The following GNPTAB variants were observed in gnomAD, a reference collection of about 807,000 sequenced individuals.
GNPTAB encodes N-acetylglucosamine-1-phosphate transferase subunits alpha and beta.
A neutral mutation model predicts 136.6 loss-of-function variants in GNPTAB; 92 were observed. That is an observed-to-expected ratio of 0.67 (90% CI 0.57 to 0.80). The LOEUF (loss-of-function observed/expected upper bound fraction) is 0.80. Ranked by LOEUF, GNPTAB falls within the 30% of genes least tolerant of loss-of-function variation. GNPTAB has a pLI of 0.00. For missense variants in GNPTAB, 1,343 were observed against 1,501.8 expected (o/e 0.89, Z 1.75); for synonymous variants, 512 against 535.1 (o/e 0.96, Z 0.60).
intron 19 of GNPTAB, among the ~76,000 whole-genome samples, chr12:101,749,828 A>C (rs999263988): frequency 2.0e-5 from 3 of 152,214 alleles, no homozygotes; most frequent in African/African-American, 7.2e-5. Context: ...ATGCGGCAGC[A>C]TGGGGGGAAC....
Position 101,764,723 on chromosome 12 carries a change from T to TG in GNPTAB, c.2193dup (p.Lys732GlnfsTer16). 2 of 1,613,524 alleles carry TG rather than the reference T, an allele frequency of 1.2e-6. No individual in the cohort carries two copies. Among genetic ancestry groups the TG allele is most frequent in the Non-Finnish European group, 1.7e-6 (2 of 1,179,632 alleles). On this transcript the variant is annotated frameshift_variant, in exon 13 of 21. Transcript: ENST00000299314. LOFTEE classifies it high-confidence loss of function. ...AGAAATGATCTCAGCAAGGCTGACTTGGACAAATTGTATCCTTTCAAAGTG... is the reference window on the plus strand; with the variant it reads ...AGAAATGATCTCAGCAAGGCTGACTTGGGACAAATTGTATCCTTTCAAAGTG...
intron 1 of GNPTAB, among the ~76,000 whole-genome samples, chr12:101,812,805 T>C (rs1870306011): frequency 1.3e-5 from 2 of 152,036 alleles, no homozygotes; most frequent in South Asian, 2.1e-4. Context: ...TGAAAATATT[T>C]ATTTATTTTT....
At chr12:101,811,066 C>T (rs1870203767) in intron 1 of GNPTAB, among the ~76,000 whole-genome samples, 1 of 152,224 alleles carries the variant, frequency 6.6e-6, no homozygotes, top group African/African-American at 2.4e-5. Flanking sequence ...CAACCAGGTT[C>T]GCTGGCTGGT....
intron 16 of GNPTAB, among the ~76,000 whole-genome samples, chr12:101,759,271 G>C (rs1331612702): frequency 6.6e-6 from 1 of 150,600 alleles, no homozygotes; most frequent in Non-Finnish European, 1.5e-5. Context: ...GCTGAGGCAG[G>C]AGAATGGCGT....
intron 7 of GNPTAB, among the ~76,000 whole-genome samples, chr12:101,774,732 A>G (rs1422948604): frequency 6.6e-6 from 1 of 152,238 alleles, no homozygotes; most frequent in Non-Finnish European, 1.5e-5. Flanking sequence ...ATAAGTGAGA[A>G]TATTCAACAG....
intron 1 of GNPTAB, among the ~76,000 whole-genome samples, chr12:101,827,701 G>A (rs1184622403): frequency 6.6e-6 from 1 of 152,118 alleles, no homozygotes; most frequent in African/African-American, 2.4e-5. Context: ...ACAGTGGCTC[G>A]CACCTATAAT....
At chr12:101,779,977 T>C in intron 7 of GNPTAB, 175 bp downstream of exon 7, 1 of 674,018 alleles carries the variant, frequency 1.5e-6, no homozygotes, top group Non-Finnish European at 2.6e-6. Context: ...ATAAGACTCT[T>C]AGATTTTTGC....
chr12:101,752,493 T>C (rs1952835548), intron 19 of GNPTAB, among the ~76,000 whole-genome samples: 1 of 152,220 alleles, frequency 6.6e-6, no homozygotes, highest in Non-Finnish European at 1.5e-5. Context: ...TGGTTGGTTA[T>C]AAAGGCTAAC....
intron 3 of GNPTAB, 90 bp from the exon 4 acceptor site, chr12:101,788,679 T>A: frequency 1.3e-6 from 1 of 751,858 alleles, no homozygotes. Context: ...GCATAAACTT[T>A]CATATTTTAT....
intron 7 of GNPTAB, among the ~76,000 whole-genome samples, chr12:101,772,624 G>A (rs889298462): frequency 2.0e-4 from 31 of 152,074 alleles, no homozygotes; most frequent in African/African-American, 7.5e-4. Flanking sequence ...TTCTCACTGA[G>A]TCACCAACTT....
intron 7 of GNPTAB, among the ~76,000 whole-genome samples, chr12:101,776,849 GC>G (rs1395853253): frequency 3.3e-5 from 5 of 152,234 alleles, no homozygotes; most frequent in Non-Finnish European, 5.9e-5. Flanking sequence ...GCTGAGCTGA[GC>G]CCTAGGTGGC....
At chr12:101,825,821 T>C (rs935966636) in intron 1 of GNPTAB, among the ~76,000 whole-genome samples, 1 of 152,198 alleles carries the variant, frequency 6.6e-6, no homozygotes, top group African/African-American at 2.4e-5. Context: ...ATGAAACCTT[T>C]CCCAGAAAAC....
chr12:101,746,976 T>C lies in GNPTAB; in HGVS notation c.*188A>G. 1 of 599,516 alleles carries C rather than the reference T, an allele frequency of 1.7e-6. No individual in the cohort carries two copies. Among genetic ancestry groups the C allele is most frequent in the Non-Finnish European group, 3.0e-6 (1 of 331,874 alleles). The allele number at this position is 599,516 out of a possible 1,614,324, so 37.1% of individuals were successfully genotyped here. A position where few individuals can be genotyped will look rare whatever the true frequency, so the allele number is the denominator to read the frequency against. On this transcript the variant is annotated 3_prime_UTR_variant, in exon 21 of 21. Transcript: ENST00000299314. ...AGTTCAGAGCTGCTCAACACACAAG[T>C]TTTCAGTGGGTTGGTTAAATAATTC...
chr12:101,760,020 TTC>T lies in GNPTAB; in HGVS notation c.3249+8_3249+9del, dbSNP rs1473941088. 6.7e-7 allele frequency: 1 copy of T among 1,484,344 alleles called. No individual in the cohort carries two copies. The highest frequency in any genetic ancestry group is 9.4e-7 in the Non-Finnish European group (1 of 1,061,466). 91.9% of individuals were successfully genotyped at this position (1,484,344 alleles called of 1,614,324 possible). ...TTCTGTTGTACATAAAAGTAACCCA[TTC>T]CACTTACCAGGTTGGGATCATAGTA... On this transcript the variant is annotated splice_region_variant and intron_variant, in intron 16 of 20. Coordinates refer to ENST00000299314, the MANE Select transcript of GNPTAB (RefSeq NM_024312.5).
intron 13 of GNPTAB, among the ~76,000 whole-genome samples, chr12:101,762,241 C>T (rs1566072265): frequency 6.6e-6 from 1 of 152,114 alleles, no homozygotes. Flanking sequence ...AAAATCAAAA[C>T]CAGTCAGTGG....
chr12:101,826,479 T>A (rs910550521), intron 1 of GNPTAB, among the ~76,000 whole-genome samples: 5 of 149,236 alleles, frequency 3.4e-5, no homozygotes, highest in Middle Eastern at 6.8e-3. Context: ...ATTTTTAATT[T>A]TTTTAATTTT....
In GNPTAB at chr12:101,771,034, G is replaced by C. The variant is rs1439948085; in HGVS notation, c.895C>G (p.Pro299Ala). The change falls in exon 8 of 21, where the codon CCT becomes GCT. Residue 299 changes from proline to alanine, a missense_variant. Coordinates refer to ENST00000299314, the MANE Select transcript of GNPTAB (RefSeq NM_024312.5). ...TIDGKELTISPAYLLWDLSAI... is the reference protein window; with the variant it reads ...TIDGKELTISAAYLLWDLSAI... ...CTCAGATCCCATAATAAATATGCAG[G>C]ACTTATGGTCAGTTCTTTTCCATCA... 1.2e-6 allele frequency: 2 copies of C among 1,613,942 alleles called. No homozygotes were observed. Among genetic ancestry groups the C allele is most frequent in the Non-Finnish European group, 1.7e-6 (2 of 1,179,894 alleles).
chr12:101,806,152 T>C (rs540694674), intron 1 of GNPTAB, among the ~76,000 whole-genome samples: 38 of 152,288 alleles, frequency 2.5e-4, no homozygotes, highest in Non-Finnish European at 3.4e-4. Flanking sequence ...AGTCAAGGGA[T>C]AAAGTGTTTG....
At chr12:101,803,077 C>T (rs1404462431) in intron 1 of GNPTAB, among the ~76,000 whole-genome samples, 1 of 152,042 alleles carries the variant, frequency 6.6e-6, no homozygotes, top group East Asian at 1.9e-4. Flanking sequence ...CTCAAAAGTC[C>T]AGAAAGTAGA....
Sources: gnomAD v4.1 joint callset for allele counts (sites outside exome capture counted in the v4.1 genomes callset) on GRCh38, gnomAD v4.1.1 for gene constraint, MANE v1.5 for transcripts, NCBI Gene and HGNC (gene_info 2026-07-23, HGNC 2026-07-21) for gene names.